Variants in DISC1 observed in about 807,000 individuals in gnomAD.
DISC1 encodes DISC1 scaffold protein.
Under a neutral mutation model 84.5 loss-of-function variants are expected in DISC1, and 57 were observed. The ratio of observed to expected loss-of-function variants is 0.67; its 90% confidence interval spans 0.55 to 0.84. The LOEUF is 0.84. Among genes scored for constraint, DISC1 ranks in the 40% least tolerant of loss-of-function variants. DISC1 has a pLI of 0.00. For missense variants in DISC1, 1,000 were observed against 1,057.8 expected, an observed-to-expected ratio of 0.95 and a Z score of 0.76; for synonymous variants, 411 against 415.2, an observed-to-expected ratio of 0.99 and a Z score of 0.12.
chr1:231,892,959 CA>C (rs777293338), intron 9 of DISC1, among the ~76,000 whole-genome samples: 5 of 151,968 alleles, frequency 3.3e-5, no homozygotes, highest in Non-Finnish European at 5.9e-5. Flanking sequence ...GTCAGGAGTT[CA>C]AGACTAGCCT....
chr1:231,846,750 GT>G (rs745715637), intron 9 of DISC1, among the ~76,000 whole-genome samples: 2 of 152,196 alleles, frequency 1.3e-5, no homozygotes, highest in African/African-American at 2.4e-5. Context: ...GAGTTTTGTT[GT>G]TTTATGTTTC....
intron 10 of DISC1, among the ~76,000 whole-genome samples, chr1:231,964,449 C>G (rs1660819560): frequency 1.3e-5 from 2 of 152,098 alleles, no homozygotes; most frequent in Non-Finnish European, 2.9e-5. Context: ...CTGGAGGGCT[C>G]TTTTCATGCT....
chr1:231,861,488 GT>G (rs2084648972), intron 9 of DISC1, among the ~76,000 whole-genome samples: 1 of 131,340 alleles, frequency 7.6e-6, no homozygotes, highest in Non-Finnish European at 1.6e-5. Flanking sequence ...GGTTGTTGTG[GT>G]TTTGGAAGTT....
chr1:232,037,849 G>A lies in DISC1; in HGVS notation c.*1018G>A, dbSNP rs1474150100. ...ACTCAGTAATACAATACAGTACTCA[G>A]TTAGGCAGTGCAGTACTCAGGAATG... On this transcript the variant is annotated 3_prime_UTR_variant, in exon 13 of 13. Coordinates refer to ENST00000439617, the MANE Select transcript of DISC1 (RefSeq NM_018662.3). 7.3e-6 allele frequency: 1 copy of A among 137,358 alleles called. No homozygotes were observed. The highest frequency in any genetic ancestry group is 7.8e-5 in the Admixed American group (1 of 12,820). The allele number at this position is 137,358 out of a possible 1,614,324, so 8.5% of individuals were successfully genotyped here.
chr1:231,827,113 G>A (rs2081909332), intron 9 of DISC1, among the ~76,000 whole-genome samples: 1 of 151,884 alleles, frequency 6.6e-6, no homozygotes, highest in Non-Finnish European at 1.5e-5. Flanking sequence ...TCAGCCTCCC[G>A]AATAGCTGGG....
At chr1:231,973,706 C>T (rs970475424) in intron 10 of DISC1, among the ~76,000 whole-genome samples, 8 of 152,180 alleles carry the variant, frequency 5.3e-5, no homozygotes, top group East Asian at 1.9e-4. Context: ...GGTTTCCCTC[C>T]GCATGCCCAA....
intron 10 of DISC1, among the ~76,000 whole-genome samples, chr1:231,995,488 C>T (rs201831205): frequency 1.6e-4 from 24 of 150,784 alleles, no homozygotes; most frequent in East Asian, 5.9e-4. Context: ...TATCCCTCCC[C>T]CCTATCCCCA....
intron 9 of DISC1, among the ~76,000 whole-genome samples, chr1:231,821,091 G>A (rs528110394): frequency 6.6e-6 from 1 of 152,222 alleles, no homozygotes; most frequent in South Asian, 2.1e-4. Context: ...AGGTTTCACT[G>A]TACTGCTTTG....
At chr1:231,818,568 G>A (rs2081260086) in intron 9 of DISC1, 51 bp downstream of exon 9, 1 of 1,609,324 alleles carries the variant, frequency 6.2e-7, no homozygotes, top group Admixed American at 1.7e-5. Flanking sequence ...TATTTGTTGT[G>A]TTTTGTGGCC....
At chr1:231,896,930 G>A (rs1358087147) in intron 9 of DISC1, among the ~76,000 whole-genome samples, 3 of 152,234 alleles carry the variant, frequency 2.0e-5, no homozygotes, top group Non-Finnish European at 4.4e-5. Flanking sequence ...CTGGCCTCAT[G>A]TCAGATTCTG....
At chr1:231,762,215 C>CTTCTTTTCTTTTCTT (rs71179792) in intron 4 of DISC1, among the ~76,000 whole-genome samples, 2 of 80,248 alleles carry the variant, frequency 2.5e-5, no homozygotes, top group African/African-American at 9.3e-5. Context: ...TTTCTTTTCT[C>CTTCTTTTCTTTTCTT]TTCTTTTCTT....
intron 9 of DISC1, among the ~76,000 whole-genome samples, chr1:231,847,229 T>C (rs1229270551): frequency 6.6e-6 from 1 of 152,096 alleles, no homozygotes; most frequent in Non-Finnish European, 1.5e-5. Flanking sequence ...CTTCCCTTTG[T>C]GTGTGTCTGT....
intron 9 of DISC1, among the ~76,000 whole-genome samples, chr1:231,918,135 G>A (rs1338527200): frequency 6.6e-6 from 1 of 152,260 alleles, no homozygotes; most frequent in East Asian, 1.9e-4. Context: ...CGCAGGGACT[G>A]TGGTGTTTTA....
intron 1 of DISC1, among the ~76,000 whole-genome samples, chr1:231,659,997 C>T (rs961203659): frequency 6.6e-6 from 1 of 152,124 alleles, no homozygotes; most frequent in African/African-American, 2.4e-5. Flanking sequence ...TCCACTTGAT[C>T]CAGGGCTGAG....
chr1:231,776,042 G>A (rs1360678688), intron 6 of DISC1, among the ~76,000 whole-genome samples: 1 of 152,128 alleles, frequency 6.6e-6, no homozygotes, highest in African/African-American at 2.4e-5. Context: ...TTTATTTGGC[G>A]TAAATTGAGG....
chr1:231,886,835 C>A (rs1271708092), intron 9 of DISC1, among the ~76,000 whole-genome samples: 1 of 97,964 alleles, frequency 1.0e-5, no homozygotes, highest in Non-Finnish European at 2.1e-5. Context: ...TTCTTTCTTT[C>A]CTTCTTTCTT....
At chr1:231,651,688 C>A (rs761271335) in intron 1 of DISC1, among the ~76,000 whole-genome samples, 1 of 152,272 alleles carries the variant, frequency 6.6e-6, no homozygotes, top group African/African-American at 2.4e-5. Context: ...TGCCCTGCCC[C>A]TAGAGCTGGG....
intron 4 of DISC1, among the ~76,000 whole-genome samples, chr1:231,756,366 A>C (rs909470784): frequency 6.6e-6 from 1 of 152,238 alleles, no homozygotes; most frequent in African/African-American, 2.4e-5. Flanking sequence ...AAGCTCCTTG[A>C]GGACAAGACT....
At chr1:232,030,652 C>A (rs200320731) in intron 12 of DISC1, among the ~76,000 whole-genome samples, 65 of 152,260 alleles carry the variant, frequency 4.3e-4, no homozygotes, top group Non-Finnish European at 8.5e-4. Flanking sequence ...TCCGTAGGAC[C>A]CTTGTTTAGT....
Sources: gnomAD v4.1 joint callset for allele counts (sites outside exome capture counted in the v4.1 genomes callset) on GRCh38, gnomAD v4.1.1 for gene constraint, MANE v1.5 for transcripts, NCBI Gene and HGNC (gene_info 2026-07-23, HGNC 2026-07-21) for gene names.